The following TMEM132E variants were observed in gnomAD, a reference collection of about 807,000 sequenced individuals.
The protein encoded by TMEM132E is transmembrane protein 132E.
Under a neutral mutation model 78.5 loss-of-function variants are expected in TMEM132E, and 49 were observed. That is an observed-to-expected ratio of 0.62 (90% CI 0.50 to 0.79). TMEM132E has a LOEUF of 0.79. TMEM132E is among the 30% of genes least tolerant of loss of function. TMEM132E has a pLI of 0.00. For missense variants in TMEM132E, 1,403 were observed against 1,470.9 expected, an observed-to-expected ratio of 0.95 and a Z score of 0.75; for synonymous variants, 715 against 670.6, an observed-to-expected ratio of 1.07 and a Z score of -1.02.
chr17:34,600,155 A>G (rs1207908645), intron 1 of TMEM132E, among the ~76,000 whole-genome samples: 1 of 152,256 alleles, frequency 6.6e-6, no homozygotes, highest in Non-Finnish European at 1.5e-5. Flanking sequence ...TCTAGGACCC[A>G]GAATCCAAGA....
chr17:34,628,259 G>C (rs1044233152), intron 2 of TMEM132E, among the ~76,000 whole-genome samples: 1 of 152,198 alleles, frequency 6.6e-6, no homozygotes, highest in Non-Finnish European at 1.5e-5. Context: ...TCTGAAAATG[G>C]AATGGGATGT....
chr17:34,586,333 T>C (rs1905677692), intron 1 of TMEM132E, among the ~76,000 whole-genome samples: 1 of 152,182 alleles, frequency 6.6e-6, no homozygotes, highest in South Asian at 2.1e-4. Context: ...TTAAAATTTT[T>C]CCTTCTCTGT....
rs1906037496 is a variant in TMEM132E at position 34,595,761 on chromosome 17, T to A, written c.67+14618T>A. On this transcript the variant is annotated intron_variant, in intron 1 of 8. Coordinates refer to ENST00000631683, the MANE Select transcript of TMEM132E (RefSeq NM_001304438.2). The stretch of plus-strand genomic sequence containing the variant: ...TGTCTTCTTTGGTTTCACATGAGGG[T>A]ATTGACAGGGGCAGCAACGCCAACA... Among the ~76,000 whole-genome samples the A allele has an allele frequency of 3.3e-5, 5 of 152,142 alleles. No individual in the cohort carries two copies. The South Asian group carries it at 1.0e-3, about 32-fold the overall frequency.
chr17:34,624,320 C>T (rs1290966697), intron 1 of TMEM132E, among the ~76,000 whole-genome samples: 8 of 152,176 alleles, frequency 5.3e-5, no homozygotes, highest in Admixed American at 4.6e-4. Context: ...CTAGGAGTCT[C>T]CTCTTTGGGA....
intron 8 of TMEM132E, 78 bp downstream of exon 8, chr17:34,636,276 A>G (rs1907520749): frequency 2.3e-6 from 3 of 1,305,450 alleles, no homozygotes; most frequent in Admixed American, 3.6e-5. Flanking sequence ...TTGCCCTAGC[A>G]CCAAGAGTCC....
chr17:34,634,898 G>C lies in TMEM132E; in HGVS notation c.1788G>C (p.Gln596His), dbSNP rs542406830. The change falls in exon 7 of 9, where the codon CAG becomes CAC. Residue 596 changes from glutamine (Q) to histidine (H), a missense_variant. This residue lies in a region of TMEM132E where 888 missense variants were observed against 952.8 expected (regional missense o/e 0.93). Transcript: ENST00000631683. ...CTLQYQHATL[Q>H]VFTQFHTTSS... ...TGCAGTACCAGCATGCCACCCTGCA[G>C]GTCTTCACCCAGTTCCACACGACAT... is the stretch of plus-strand genomic sequence containing the variant. 2 of 1,614,162 alleles carry C rather than the reference G, an allele frequency of 1.2e-6. No individual in the cohort carries two copies. Among genetic ancestry groups the C allele is most frequent in the East Asian group, 4.5e-5 (2 of 44,866 alleles).
intron 4 of TMEM132E, among the ~76,000 whole-genome samples, chr17:34,629,679 C>G (rs530301521): frequency 1.3e-5 from 2 of 152,138 alleles, no homozygotes; most frequent in Non-Finnish European, 2.9e-5. Flanking sequence ...GCTTGAATAG[C>G]CAGGCATGTG....
chr17:34,592,750 A>G (rs1460541693), intron 1 of TMEM132E, among the ~76,000 whole-genome samples: 1 of 152,228 alleles, frequency 6.6e-6, no homozygotes, highest in Non-Finnish European at 1.5e-5. Flanking sequence ...TGCCATAATC[A>G]TTATTTCATA....
intron 1 of TMEM132E, among the ~76,000 whole-genome samples, chr17:34,608,924 A>G (rs1283480650): frequency 1.3e-5 from 2 of 152,160 alleles, no homozygotes; most frequent in Non-Finnish European, 2.9e-5. Context: ...TTTCCCATCT[A>G]GCACTCGCAG....
chr17:34,583,926 T>A (rs1905579210), intron 1 of TMEM132E, among the ~76,000 whole-genome samples: 2 of 152,218 alleles, frequency 1.3e-5, no homozygotes, highest in African/African-American at 2.4e-5. Flanking sequence ...TCTACACTGT[T>A]CCCAGTCTCC....
At chr17:34,624,310 C>T (rs138475718) in intron 1 of TMEM132E, among the ~76,000 whole-genome samples, 1 of 152,206 alleles carries the variant, frequency 6.6e-6, no homozygotes, top group Non-Finnish European at 1.5e-5. Flanking sequence ...CTAGTACTGA[C>T]TAGGAGTCTC....
chr17:34,612,980 C>G (rs1432382534), intron 1 of TMEM132E, among the ~76,000 whole-genome samples: 4 of 152,030 alleles, frequency 2.6e-5, no homozygotes, highest in African/African-American at 9.7e-5. Context: ...AGGGGGACCC[C>G]ATGTCCCCCA....
Position 34,638,547 on chromosome 17 carries a change from T to A in TMEM132E, c.*315T>A. On this transcript the variant is annotated 3_prime_UTR_variant, in exon 9 of 9. Coordinates refer to ENST00000631683, the MANE Select transcript of TMEM132E (RefSeq NM_001304438.2). The stretch of plus-strand genomic sequence containing the variant: ...CTTAAGCAACCCCCTGCCCCAAGAG[T>A]GAGGCAAGGAGGTCCAGCTTGGGGT... The A allele has an allele frequency of 7.0e-6, 2 of 284,252 alleles. No individual in the cohort carries two copies. The highest frequency in any genetic ancestry group is 6.2e-5 in the East Asian group (1 of 16,230). The allele number at this position is 284,252 out of a possible 1,614,324, so 17.6% of individuals were successfully genotyped here.
At chr17:34,625,170 G>A (rs1408870971) in intron 1 of TMEM132E, among the ~76,000 whole-genome samples, 2 of 152,200 alleles carry the variant, frequency 1.3e-5, no homozygotes, top group Non-Finnish European at 2.9e-5. Context: ...TCGTCATAGC[G>A]ACAGCAGTAA....
chr17:34,591,117 G>A (rs973874406), intron 1 of TMEM132E, among the ~76,000 whole-genome samples: 2 of 152,150 alleles, frequency 1.3e-5, no homozygotes, highest in Non-Finnish European at 2.9e-5. Context: ...CCCACAGCAC[G>A]AGGGCTCAGT....
intron 1 of TMEM132E, among the ~76,000 whole-genome samples, chr17:34,607,618 C>G (rs946421891): frequency 2.6e-5 from 4 of 152,216 alleles, no homozygotes; most frequent in Non-Finnish European, 5.9e-5. Flanking sequence ...GACTGCTACC[C>G]ATTTCAGATG....
chr17:34,618,527 C>T (rs1301742196), intron 1 of TMEM132E, among the ~76,000 whole-genome samples: 4 of 152,002 alleles, frequency 2.6e-5, no homozygotes, highest in East Asian at 1.9e-4. Context: ...CCACCATGCC[C>T]GGCCAACATT....
chr17:34,581,927 G>C (rs992564556), intron 1 of TMEM132E, among the ~76,000 whole-genome samples: 1 of 152,132 alleles, frequency 6.6e-6, no homozygotes, highest in African/African-American at 2.4e-5. Flanking sequence ...CGGGTGGGGG[G>C]CAGCGGGTTT....
At chr17:34,630,253 T>C (rs566390327) in intron 5 of TMEM132E, 102 bp downstream of exon 5, 2 of 1,314,576 alleles carry the variant, frequency 1.5e-6, no homozygotes, top group South Asian at 2.9e-5. Flanking sequence ...ACTCATCCTC[T>C]AACACTGAAC....
Sources: gnomAD v4.1 joint callset for allele counts (sites outside exome capture counted in the v4.1 genomes callset) on GRCh38, gnomAD v4.1.1 for gene constraint, gnomAD v4.1.1 regional missense constraint, MANE v1.5 for transcripts, NCBI Gene and HGNC (gene_info 2026-07-23, HGNC 2026-07-21) for gene names.